The following BIN2 variants were observed in gnomAD, a reference collection of about 807,000 sequenced individuals.
BIN2 encodes the protein bridging integrator 2.
BIN2 carries 43 observed loss-of-function variants against 67.9 expected under a neutral mutation model. The observed-to-expected ratio is 0.63, with a 90% CI of 0.50 to 0.82. The LOEUF (loss-of-function observed/expected upper bound fraction) is 0.82. Ranked by LOEUF, BIN2 falls within the 40% of genes least tolerant of loss-of-function variation. BIN2 has a pLI of 0.00. For synonymous variants in BIN2, 244 were observed against 246.8 expected (o/e 0.99, Z 0.11); for missense variants, 581 against 671.6 (o/e 0.87, Z 1.49).
intron 2 of BIN2, among the ~76,000 whole-genome samples, chr12:51,309,741 T>C (rs928797961): frequency 2.0e-5 from 3 of 152,142 alleles, no homozygotes; most frequent in Non-Finnish European, 4.4e-5. Context: ...CCCGCTTAAG[T>C]GATGTTTAAA....
At chr12:51,297,649 A>G (rs980021787) in intron 7 of BIN2, among the ~76,000 whole-genome samples, 3 of 152,274 alleles carry the variant, frequency 2.0e-5, no homozygotes, top group African/African-American at 4.8e-5. Flanking sequence ...GGCCAGGAAC[A>G]CACGTGATTC....
rs116846478 is a variant in BIN2 at position 51,296,737 on chromosome 12, G to C, written c.678+352C>G. Among the ~76,000 whole-genome samples the C allele has an allele frequency of 5.2e-3, 785 of 152,164 alleles. 30 individuals carry two copies. The East Asian group carries it at 0.1, about 20-fold the overall frequency. ...GACCAACCACCTGAGAAACTGACTTGTCCTTAAACACTGCCCTCTCCAGTC... is the reference window on the plus strand; with the variant it reads ...GACCAACCACCTGAGAAACTGACTTCTCCTTAAACACTGCCCTCTCCAGTC... On this transcript the variant is annotated intron_variant, in intron 8 of 12. Transcript: ENST00000615107.
intron 1 of BIN2, among the ~76,000 whole-genome samples, chr12:51,319,279 G>A (rs1286359577): frequency 6.6e-6 from 1 of 152,098 alleles, no homozygotes; most frequent in Non-Finnish European, 1.5e-5. Context: ...GGGGTTGGGG[G>A]GTACTGAGAG....
intron 1 of BIN2, 46 bp downstream of exon 1, chr12:51,323,976 C>T: frequency 6.2e-7 from 1 of 1,604,962 alleles, no homozygotes; most frequent in Non-Finnish European, 8.5e-7. Flanking sequence ...CGGCCTCGGC[C>T]TCGGCTCCCT....
chr12:51,287,338 G>GT (rs200002209), intron 11 of BIN2, among the ~76,000 whole-genome samples: 6,436 of 139,690 alleles, frequency 0.046, 145 homozygotes, highest in East Asian at 0.11. Flanking sequence ...GTTTTTTTTT[G>GT]TTTTTTTTTT....
Position 51,324,135 on chromosome 12 carries a change from C to G in BIN2, c.-33G>C. On this transcript the variant is annotated 5_prime_UTR_variant, in exon 1 of 13. Transcript: ENST00000615107. The stretch of plus-strand genomic sequence containing the variant: ...ACTCCCTGGGGGCCGCCGCCCTGGC[C>G]CCGCGCCCTGTGGTTTTCTGAGGCC... 3.1e-6 allele frequency: 5 copies of G among 1,609,642 alleles called. No homozygotes were observed. The highest frequency in any genetic ancestry group is 4.2e-6 in the Non-Finnish European group (5 of 1,178,096).
At position 51,292,198 on chromosome 12, in the gene BIN2, G is replaced by T; in HGVS notation, c.908C>A (p.Ala303Glu). ...VSATEDLAPD[A>E]AQGEDNSEIK... ...CTCAGAATTGTCTTCCCCTTGGGCT[G>T]CATCAGGTGCCAGATCTTCAGTTGC... The change falls in exon 10 of 13, where the codon GCA becomes GAA. Residue 303 changes from alanine to glutamate, a missense_variant. Coordinates refer to ENST00000615107, the MANE Select transcript of BIN2 (RefSeq NM_016293.4). The T allele has an allele frequency of 6.2e-7, 1 of 1,612,168 alleles. No individual in the cohort carries two copies.
intron 10 of BIN2, among the ~76,000 whole-genome samples, chr12:51,290,088 T>TATTG (rs1299344302): frequency 6.6e-6 from 1 of 151,490 alleles, no homozygotes; most frequent in Non-Finnish European, 1.5e-5. Context: ...TTTATTTATT[T>TATTG]ATTTTATTTT....
chr12:51,299,848 G>GT (rs60046549), intron 5 of BIN2, 134 bp from the exon 6 acceptor site: 276,587 of 710,706 alleles, frequency 0.39, 56,497 homozygotes, highest in Non-Finnish European at 0.41. Flanking sequence ...TTTTGCTTTT[G>GT]TTTTTTTTGA....
At chr12:51,296,536 C>T (rs1945572757) in intron 8 of BIN2, among the ~76,000 whole-genome samples, 1 of 151,460 alleles carries the variant, frequency 6.6e-6, no homozygotes, top group Non-Finnish European at 1.5e-5. Context: ...TTAATATTAA[C>T]TAGGCAAATC....
Position 51,303,097 on chromosome 12 carries a change from A to G in BIN2, c.207T>C (p.Ser69=), listed in dbSNP as rs764364274. The change falls in exon 3 of 13, where the codon AGT becomes AGC. Residue 69 remains serine (S), a synonymous_variant. Transcript: ENST00000615107. ...TGCTGCATTGCCCACCTTTGACTGC[A>G]CTAAGGAAGTTCTTCAGGTCCTTGT... is the stretch of plus-strand genomic sequence containing the variant. The part of the protein sequence containing the change: ...KLYKDLKNFL[S]AVKVMHESSK... 23 of 1,614,022 alleles carry G rather than the reference A, an allele frequency of 1.4e-5. No homozygotes were observed. Among genetic ancestry groups the G allele is most frequent in the Admixed American group, 3.3e-5 (2 of 60,006 alleles).
At chr12:51,299,548 C>G (rs199541031) in intron 6 of BIN2, 59 bp downstream of exon 6, 1 of 1,508,836 alleles carries the variant, frequency 6.6e-7, no homozygotes, top group East Asian at 2.3e-5. Flanking sequence ...CCTGCTACCA[C>G]CATGGGGAGA....
intron 1 of BIN2, among the ~76,000 whole-genome samples, chr12:51,319,426 T>C (rs958281925): frequency 6.6e-6 from 1 of 152,222 alleles, no homozygotes; most frequent in Admixed American, 6.5e-5. Flanking sequence ...GTCATGGGTG[T>C]TCTTCCCAAC....
intron 10 of BIN2, among the ~76,000 whole-genome samples, chr12:51,288,845 G>C (rs577265671): frequency 2.8e-4 from 42 of 151,778 alleles, no homozygotes; most frequent in African/African-American, 9.2e-4. Flanking sequence ...TGCCTCCTGG[G>C]TTCAAGCGAT....
At chr12:51,324,285 C>G (rs1050964998), upstream of BIN2, 5 of 1,404,618 alleles carry the variant, frequency 3.6e-6, no homozygotes, top group East Asian at 1.4e-4. Context: ...TGGAGCAGGC[C>G]GGCTCGGAGG....
intron 1 of BIN2, chr12:51,323,050 A>G (rs1035712914): frequency 3.3e-5 from 5 of 152,202 alleles, no homozygotes; most frequent in Non-Finnish European, 5.9e-5. Flanking sequence ...ATCAGCTCTT[A>G]GAAAACCAAA....
At chr12:51,297,265 G>T in intron 7 of BIN2, 101 bp from the exon 8 acceptor site, 1 of 1,198,408 alleles carries the variant, frequency 8.3e-7, no homozygotes, top group Non-Finnish European at 1.2e-6. Context: ...CAGCCACCAA[G>T]GCTCCTAAAT....
intron 1 of BIN2, among the ~76,000 whole-genome samples, chr12:51,319,455 C>T (rs1487281796): frequency 6.6e-6 from 1 of 152,224 alleles, no homozygotes; most frequent in Non-Finnish European, 1.5e-5. Context: ...CTTGAGGGAA[C>T]AGGGTGTACA....
chr12:51,323,529 T>C (rs929426647), intron 1 of BIN2, among the ~76,000 whole-genome samples: 1 of 151,188 alleles, frequency 6.6e-6, no homozygotes, highest in Admixed American at 6.6e-5. Flanking sequence ...CAGGGTCAGG[T>C]AGGGGGAGAA....
Sources: gnomAD v4.1 joint callset for allele counts (sites outside exome capture counted in the v4.1 genomes callset) on GRCh38, gnomAD v4.1.1 for gene constraint, MANE v1.5 for transcripts, NCBI Gene and HGNC (gene_info 2026-07-23, HGNC 2026-07-21) for gene names.